CHI3L2: variants seen among roughly 807,000 people sequenced by gnomAD.
CHI3L2 encodes chitinase 3 like 2, also known as chitinase-3-like protein 2.
CHI3L2 carries 47 observed loss-of-function variants against 47.3 expected under a neutral mutation model. That is an observed-to-expected ratio of 0.99 (90% confidence interval 0.79 to 1.27). The LOEUF is 1.27. Among genes scored for constraint, CHI3L2 ranks in the 50% most tolerant of loss-of-function variants. CHI3L2 has a pLI of 0.00. For synonymous variants in CHI3L2, 198 were observed against 169.9 expected, an observed-to-expected ratio of 1.17 and a Z score of -1.28; for missense variants, 497 against 462.1, an observed-to-expected ratio of 1.08 and a Z score of -0.69.
At chr1:111,236,283 C>T in intron 7 of CHI3L2, 130 bp downstream of exon 7, 1 of 991,726 alleles carries the variant, frequency 1.0e-6, no homozygotes, top group Non-Finnish European at 1.5e-6. Context: ...TTGGGTAGCC[C>T]CAGGAGCAAG....
chr1:111,232,536 A>C (rs1050140485), intron 4 of CHI3L2, among the ~76,000 whole-genome samples: 4 of 152,188 alleles, frequency 2.6e-5, no homozygotes, highest in African/African-American at 9.7e-5. Context: ...TTAACTATAC[A>C]ATAAGAATAA....
At chr1:111,240,393 G>A (rs978937895) in intron 8 of CHI3L2, among the ~76,000 whole-genome samples, 2 of 152,196 alleles carry the variant, frequency 1.3e-5, no homozygotes, top group East Asian at 3.9e-4. Context: ...CATAGGAAGT[G>A]GGAGAGAGGC....
chr1:111,231,055 C>G, intron 3 of CHI3L2, 112 bp downstream of exon 3: 1 of 1,022,024 alleles, frequency 9.8e-7, no homozygotes, highest in Non-Finnish European at 1.5e-6. Context: ...CTATATATTT[C>G]TCTGGGTGTA....
chr1:111,243,402 C>T lies in CHI3L2; in HGVS notation c.*188C>T, dbSNP rs1660119139. On this transcript the variant is annotated 3_prime_UTR_variant, in exon 11 of 11. Coordinates refer to ENST00000369748, the MANE Select transcript of CHI3L2 (RefSeq NM_004000.3). Reference sequence around the variant, plus strand: ...TTTCCTGCAGCTGTTGACTTGTTGCCCTGAAGTACAATAAAAAAAATTCAT... The same window carrying T: ...TTTCCTGCAGCTGTTGACTTGTTGCTCTGAAGTACAATAAAAAAAATTCAT... The T allele has an allele frequency of 5.5e-6, 2 of 364,584 alleles. No individual in the cohort carries two copies. Among genetic ancestry groups the T allele is most frequent in the Admixed American group, 7.3e-5 (2 of 27,354 alleles). 22.6% of individuals were successfully genotyped at this position (364,584 alleles called of 1,614,324 possible).
At chr1:111,242,157 A>G in intron 9 of CHI3L2, 70 bp from the exon 10 acceptor site, 1 of 1,599,800 alleles carries the variant, frequency 6.3e-7, no homozygotes, top group South Asian at 1.1e-5. Context: ...CCTCATCTGA[A>G]CCTGATATGG....
intron 5 of CHI3L2, 21 bp from the exon 6 acceptor site, chr1:111,235,618 T>C (rs748184734): frequency 3.1e-6 from 5 of 1,610,768 alleles, no homozygotes; most frequent in Admixed American, 1.7e-5. Flanking sequence ...ATATTGCACC[T>C]CGTTTCTTTG....
At chr1:111,229,925 G>T in intron 2 of CHI3L2, 44 bp downstream of exon 2, 1 of 1,610,566 alleles carries the variant, frequency 6.2e-7, no homozygotes, top group Non-Finnish European at 8.5e-7. Context: ...TCCTGGCTTG[G>T]GTGCTTTCAT....
At chr1:111,232,394 T>A (rs1264866721) in intron 4 of CHI3L2, among the ~76,000 whole-genome samples, 3 of 152,232 alleles carry the variant, frequency 2.0e-5, no homozygotes, top group Non-Finnish European at 4.4e-5. Context: ...ATTCAGTAAG[T>A]AATTGTTTAC....
intron 9 of CHI3L2, among the ~76,000 whole-genome samples, chr1:111,241,706 A>C (rs1304639625): frequency 2.0e-5 from 3 of 152,190 alleles, no homozygotes; most frequent in Admixed American, 6.5e-5. Context: ...TGGAGAGAAG[A>C]GTAAGGCAAG....
In CHI3L2 at chr1:111,227,776, A is replaced by G. The variant is rs1405239915; in HGVS notation, c.40+7A>G. ...CAGAAGTCTCTCTGGGCAGGTGAGC[A>G]TGGGGTTGATAATTCAGCAGGAAAT... is the stretch of plus-strand genomic sequence containing the variant. On this transcript the variant is annotated splice_region_variant and intron_variant, in intron 1 of 10. Transcript: ENST00000369748. 2 of 1,613,946 alleles carry G rather than the reference A, an allele frequency of 1.2e-6. No individual in the cohort carries two copies. Among genetic ancestry groups the G allele is most frequent in the Non-Finnish European group, 1.7e-6 (2 of 1,179,874 alleles).
At chr1:111,233,102 G>A (rs1310506894) in intron 4 of CHI3L2, among the ~76,000 whole-genome samples, 2 of 152,200 alleles carry the variant, frequency 1.3e-5, no homozygotes, top group African/African-American at 4.8e-5. Context: ...CTCATCTACA[G>A]CTTTGGGTTT....
At chr1:111,231,170 TCTGTTCTTTA>T (rs1659706554) in intron 3 of CHI3L2, 58 bp from the exon 4 acceptor site, 2 of 1,344,770 alleles carry the variant, frequency 1.5e-6, no homozygotes, top group Non-Finnish European at 2.1e-6. Flanking sequence ...ACTTAAGAAC[TCTGTTCTTTA>T]GACAAAGGCT....
intron 1 of CHI3L2, among the ~76,000 whole-genome samples, chr1:111,228,192 G>C (rs1659583012): frequency 1.3e-5 from 2 of 152,112 alleles, no homozygotes; most frequent in Non-Finnish European, 2.9e-5. Context: ...TGAATTTAAT[G>C]TTTTTTAAAC....
chr1:111,234,722 G>A (rs1049434521), intron 4 of CHI3L2, among the ~76,000 whole-genome samples, 185 bp from the exon 5 acceptor site: 5 of 152,196 alleles, frequency 3.3e-5, no homozygotes, highest in African/African-American at 4.8e-5. Flanking sequence ...TACCTGGCTG[G>A]ATCAATGTTC....
At chr1:111,237,142 A>G (rs2477576) in intron 7 of CHI3L2, among the ~76,000 whole-genome samples, 2 of 152,062 alleles carry the variant, frequency 1.3e-5, no homozygotes, top group East Asian at 1.9e-4. Context: ...TGGCCGCATG[A>G]CTCCTAAACC....
At chr1:111,236,352 G>C (rs1487105247) in intron 7 of CHI3L2, among the ~76,000 whole-genome samples, 199 bp downstream of exon 7, 1 of 152,224 alleles carries the variant, frequency 6.6e-6, no homozygotes, top group Non-Finnish European at 1.5e-5. Flanking sequence ...GAAAATATCA[G>C]AAGTGCTGAT....
intron 3 of CHI3L2, 76 bp from the exon 4 acceptor site, chr1:111,231,162 T>C: frequency 7.6e-7 from 1 of 1,312,198 alleles, no homozygotes; most frequent in Non-Finnish European, 1.1e-6. Context: ...TTCTCTACAC[T>C]TAAGAACTCT....
chr1:111,229,699 AAAAAAAG>A, intron 1 of CHI3L2, 146 bp from the exon 2 acceptor site: 4 of 1,117,824 alleles, frequency 3.6e-6, no homozygotes, highest in South Asian at 4.8e-5. Context: ...AAAAAAAAAA[AAAAAAAG>A]AAACCACAGC....
chr1:111,235,503 C>T (rs1301871171), intron 5 of CHI3L2, 136 bp from the exon 6 acceptor site: 1 of 1,011,150 alleles, frequency 9.9e-7, no homozygotes, highest in Non-Finnish European at 1.4e-6. Flanking sequence ...CAAGGCATCC[C>T]CATGTGGGGT....
Sources: gnomAD v4.1 joint callset for allele counts (sites outside exome capture counted in the v4.1 genomes callset) on GRCh38, gnomAD v4.1.1 for gene constraint, MANE v1.5 for transcripts, NCBI Gene and HGNC (gene_info 2026-07-23, HGNC 2026-07-21) for gene names.